The following FAM186A variants were observed in gnomAD, a reference collection of about 807,000 sequenced individuals.
The protein encoded by FAM186A is protein FAM186A.
In FAM186A, 163 loss-of-function variants were observed where a neutral mutation model predicts 216.8. The ratio of observed to expected loss-of-function variants is 0.75; its 90% CI spans 0.66 to 0.86. FAM186A has a LOEUF of 0.86. Among genes scored for constraint, FAM186A ranks in the 40% least tolerant of loss-of-function variants. FAM186A has a pLI of 0.00. For synonymous variants in FAM186A, 805 were observed against 1,025.3 expected (o/e 0.79, Z 4.10); for missense variants, 2,184 against 2,746.2 (o/e 0.80, Z 4.58).
Position 50,352,694 on chromosome 12 carries a change from C to T in FAM186A, c.4138G>A (p.Ala1380Thr), listed in dbSNP as rs529495499. ...ALGMPLTTQQ[A>T]QELGIPLTPQ... ...GTGAGAGGGATCCCCAGTTCCTGAG[C>T]CTGCTGAGTGGTGAGAGGCATCCCC... Residue 1380 changes from alanine to threonine, a missense_variant, in exon 4 of 8, where the codon GCT becomes ACT. Ala to Thr is a moderately conservative substitution (Grantham distance 58). This residue lies in a region of FAM186A where 267 missense variants were observed against 446.2 expected (regional missense o/e 0.60). Coordinates refer to ENST00000327337, the MANE Select transcript of FAM186A (RefSeq NM_001145475.3). The T allele has an allele frequency of 7.9e-6, 12 of 1,519,776 alleles. No homozygotes were observed. The highest frequency in any genetic ancestry group is 1.4e-5 in the African/African-American group (1 of 69,724). The allele number at this position is 1,519,776 out of a possible 1,614,324, so 94.1% of individuals were successfully genotyped here.
chr12:50,330,897 C>T (rs1253410106), intron 6 of FAM186A, 139 bp from the exon 7 acceptor site: 1 of 654,452 alleles, frequency 1.5e-6, no homozygotes, highest in Non-Finnish European at 2.3e-6. Context: ...TAGCTATGCC[C>T]ACTTTGACAG....
chr12:50,383,249 T>TGAAAAAA (rs1943269367), intron 1 of FAM186A, among the ~76,000 whole-genome samples: 1 of 10,372 alleles, frequency 9.6e-5, no homozygotes, highest in African/African-American at 1.4e-4. Context: ...AGACTCCGTC[T>TGAAAAAA]AAAAAAAAAA....
chr12:50,375,329 C>T lies in FAM186A; in HGVS notation c.193-11965G>A, dbSNP rs145121692. Among the ~76,000 whole-genome samples, 1,455 of 152,190 alleles carry T rather than the reference C, an allele frequency of 9.6e-3. 21 individuals are homozygous for T. The highest frequency in any genetic ancestry group is 0.033 in the African/African-American group (1,362 of 41,526). On this transcript the variant is annotated intron_variant, in intron 1 of 7. Transcript: ENST00000327337. ...TTGGGAGGCCAAGGTGGGTGGATCA[C>T]CTGAGGTCAGGAGTTTGAGGCCAGC...
In FAM186A at chr12:50,355,882, T is replaced by C. The variant is rs1942970846; in HGVS notation, c.950A>G (p.Gln317Arg). Residue 317 changes from glutamine (Q) to arginine (R), a missense_variant, in exon 4 of 8, where the codon CAG (glutamine) becomes CGG (arginine). Coordinates refer to ENST00000327337, the MANE Select transcript of FAM186A (RefSeq NM_001145475.3). ...RDLSNENEML[Q>R]QKLQDAEEKC... ...TTCTTCTGCATCTTGAAGTTTCTGCTGAAGCATTTCATTTTCGTTACTGAG... is the reference window on the plus strand; with the variant it reads ...TTCTTCTGCATCTTGAAGTTTCTGCCGAAGCATTTCATTTTCGTTACTGAG... 4 of 1,551,262 alleles carry C rather than the reference T, an allele frequency of 2.6e-6. No individual in the cohort carries two copies. Among genetic ancestry groups the C allele is most frequent in the Non-Finnish European group, 3.5e-6 (4 of 1,146,972 alleles).
chr12:50,329,619 A>G (rs1942637376), intron 7 of FAM186A, among the ~76,000 whole-genome samples: 1 of 147,258 alleles, frequency 6.8e-6, no homozygotes, highest in Admixed American at 6.8e-5. Context: ...TTTTTTTGAG[A>G]CAGAGTCTCA....
At position 50,356,055 on chromosome 12, in the gene FAM186A, T is replaced by C. The variant is rs1942973436; in HGVS notation, c.777A>G (p.Lys259=). 6.4e-7 allele frequency: 1 copy of C among 1,551,644 alleles called. No individual in the cohort carries two copies. Among genetic ancestry groups the C allele is most frequent in the East Asian group, 2.4e-5 (1 of 40,912 alleles). ...MFSTLENNAI[K]YISSTIVNLS... Reference sequence around the variant, plus strand: ...GGTTTACTATTGTTGATGATATATATTTAATAGCATTGTTTTCCAATGTAC... The same window carrying C: ...GGTTTACTATTGTTGATGATATATACTTAATAGCATTGTTTTCCAATGTAC... Residue 259 remains lysine, a synonymous_variant, in exon 4 of 8, where the codon AAA becomes AAG. Coordinates refer to ENST00000327337, the MANE Select transcript of FAM186A (RefSeq NM_001145475.3).
At chr12:50,390,028 A>T (rs1943342940) in intron 1 of FAM186A, among the ~76,000 whole-genome samples, 1 of 152,014 alleles carries the variant, frequency 6.6e-6, no homozygotes, top group East Asian at 1.9e-4. Flanking sequence ...CAGTGTGGGG[A>T]TTCTGTCAGC....
At chr12:50,328,470 C>G (rs766072935) in intron 7 of FAM186A, among the ~76,000 whole-genome samples, 1 of 152,116 alleles carries the variant, frequency 6.6e-6, no homozygotes, top group African/African-American at 2.4e-5. Flanking sequence ...AATTTCAAAG[C>G]TGTACTGTTT....
intron 1 of FAM186A, among the ~76,000 whole-genome samples, chr12:50,370,996 G>C (rs1258646536): frequency 6.6e-6 from 1 of 152,012 alleles, no homozygotes; most frequent in Non-Finnish European, 1.5e-5. Context: ...CTACTTGGGA[G>C]ACTGAGGCAG....
intron 3 of FAM186A, among the ~76,000 whole-genome samples, chr12:50,356,816 T>C (rs1942981746): frequency 6.6e-6 from 1 of 152,164 alleles, no homozygotes; most frequent in Admixed American, 6.5e-5. Flanking sequence ...CTGGCCAATA[T>C]GGTGAAACCC....
At chr12:50,394,730 CTCTT>C (rs1943396153) in intron 1 of FAM186A, among the ~76,000 whole-genome samples, 1 of 51,004 alleles carries the variant, frequency 2.0e-5, no homozygotes, top group Admixed American at 2.9e-4. Flanking sequence ...CTGGCTAACA[CTCTT>C]TTTTTTTTTT....
Position 50,351,882 on chromosome 12 carries a change from G to A in FAM186A, c.4950C>T (p.Pro1650=). Residue 1650 remains proline (P), a synonymous_variant, in exon 4 of 8, where the codon CCC becomes CCT. Transcript: ENST00000327337. Reference sequence around the variant, plus strand: ...ACACCCAGGCATTTACTGGGGTGATGGGGACTCCCAGTGCCTGGGCCTGCT... The same window carrying A: ...ACACCCAGGCATTTACTGGGGTGATAGGGACTCCCAGTGCCTGGGCCTGCT... The part of the protein sequence containing the change: ...TPQQAQALGV[P]ITPVNAWVSA... The A allele has an allele frequency of 6.5e-7, 1 of 1,545,458 alleles. No individual in the cohort carries two copies. Among genetic ancestry groups the A allele is most frequent in the South Asian group, 1.2e-5 (1 of 83,248 alleles).
rs140629900 is a variant in FAM186A, at chr12:50,351,696, A to C, written c.5136T>G (p.His1712Gln). The C allele has an allele frequency of 6.4e-7, 1 of 1,551,578 alleles. No homozygotes were observed. The highest frequency in any genetic ancestry group is 1.4e-5 in the African/African-American group (1 of 73,122). ...PLTLKQVQWS[H>Q]RPFQKSKASL... ...AAGCCTTCGATTTCTGAAATGGTCTATGGGACCACTGGACTTGCTTAAGGG... is the reference window on the plus strand; with the variant it reads ...AAGCCTTCGATTTCTGAAATGGTCTCTGGGACCACTGGACTTGCTTAAGGG... Residue 1712 changes from histidine (H) to glutamine (Q), a missense_variant, in exon 4 of 8, where the codon CAT (histidine) becomes CAG (glutamine). By Grantham distance (24) the His-to-Gln change is conservative. Around this residue, in one of 7 missense-constraint regions of FAM186A, gnomAD observed 721 missense variants for 816.4 expected, o/e 0.88. Coordinates refer to ENST00000327337, the MANE Select transcript of FAM186A (RefSeq NM_001145475.3).
At chr12:50,377,463 A>T (rs1221480514) in intron 1 of FAM186A, among the ~76,000 whole-genome samples, 1 of 61,204 alleles carries the variant, frequency 1.6e-5, no homozygotes, top group Non-Finnish European at 3.4e-5. Context: ...CTTCTAGAAG[A>T]AAACATGGGA....
chr12:50,334,231 G>T, intron 4 of FAM186A, 128 bp from the exon 5 acceptor site: 1 of 773,092 alleles, frequency 1.3e-6, no homozygotes, highest in Non-Finnish European at 2.0e-6. Flanking sequence ...AGGTGCAATG[G>T]TGCAATCATG....
In FAM186A at chr12:50,354,094, T is replaced by C. The variant is rs1942944237; in HGVS notation, c.2738A>G (p.Glu913Gly). 4 of 1,551,766 alleles carry C rather than the reference T, an allele frequency of 2.6e-6. No individual in the cohort carries two copies. The East Asian group carries it at 9.8e-5, about 38-fold the overall frequency. ...QEEKQKQRGQ[E>G]EEELPKSSLQ... ...GCTTGACTTTGGAAGCTCTTCTTCC[T>C]CCTGTCCTCTTTGCTTTTGCTTTTC... The change falls in exon 4 of 8, where the codon GAG (glutamate) becomes GGG (glycine). Residue 913 changes from glutamate to glycine, a missense_variant. Transcript: ENST00000327337.
At chr12:50,364,601 A>G (rs892191288) in intron 1 of FAM186A, among the ~76,000 whole-genome samples, 15 of 151,002 alleles carry the variant, frequency 9.9e-5, no homozygotes, top group African/African-American at 3.2e-4. Flanking sequence ...AAAATAAAAT[A>G]ATATAAAATA....
chr12:50,357,692 GAAC>G (rs1565888139), intron 3 of FAM186A, among the ~76,000 whole-genome samples: 1 of 152,086 alleles, frequency 6.6e-6, no homozygotes, highest in African/African-American at 2.4e-5. Flanking sequence ...AAAAACTACC[GAAC>G]CTCAGTAACA....
chr12:50,347,131 G>T (rs1411365839), intron 4 of FAM186A, among the ~76,000 whole-genome samples: 2 of 152,034 alleles, frequency 1.3e-5, no homozygotes, highest in African/African-American at 4.8e-5. Context: ...AAATTCACTT[G>T]TTGCTCATAC....
Sources: gnomAD v4.1 joint callset for allele counts (sites outside exome capture counted in the v4.1 genomes callset) on GRCh38, gnomAD v4.1.1 for gene constraint, gnomAD v4.1.1 regional missense constraint, MANE v1.5 for transcripts, NCBI Gene and HGNC (gene_info 2026-07-23, HGNC 2026-07-21) for gene names.